The following SHROOM2 variants were observed in gnomAD, a reference collection of about 807,000 sequenced individuals.
SHROOM2 encodes protein Shroom2.
A neutral mutation model predicts 75.9 loss-of-function variants in SHROOM2; 33 were observed. The observed-to-expected ratio is 0.43, with a 90% CI of 0.33 to 0.58. SHROOM2 has a LOEUF of 0.58. Among genes scored for constraint, SHROOM2 ranks in the 20% least tolerant of loss-of-function variants. The pLI is 0.04. For synonymous variants in SHROOM2, 655 were observed against 663.6 expected, an observed-to-expected ratio of 0.99 and a Z score of 0.20; for missense variants, 1,434 against 1,461.2, an observed-to-expected ratio of 0.98 and a Z score of 0.30.
intron 1 of SHROOM2, among the ~76,000 whole-genome samples, chrX:9,834,485 C>G (rs1157256113): frequency 8.9e-6 from 1 of 111,845 alleles, no homozygotes; most frequent in Non-Finnish European, 1.9e-5. Flanking sequence ...GTGCTCACTG[C>G]TTTGCTCAGG....
chrX:9,896,249 C>T lies in SHROOM2; in HGVS notation c.2341C>T (p.His781Tyr), dbSNP rs750573801. The change falls in exon 4 of 10, where the codon CAC (histidine) becomes TAC (tyrosine). Residue 781 changes from histidine to tyrosine, a missense_variant. His to Tyr is a moderately conservative substitution (Grantham distance 83, BLOSUM62 2). This residue lies in a region of SHROOM2 where 1,340 missense variants were observed against 1,338.3 expected (regional missense o/e 1.00). Coordinates refer to ENST00000380913, the MANE Select transcript of SHROOM2 (RefSeq NM_001649.4). ...GGGCCTCACGAGGGGCTACAGTCCT[C>T]ACCAGCACCCCAGGACATCTGAGGA... The part of the protein sequence containing the change: ...EVGLTRGYSP[H>Y]QHPRTSEDTV... 3.3e-6 allele frequency: 4 copies of T among 1,212,198 alleles called. No individual in the cohort carries two copies. The East Asian group carries it at 1.2e-4, about 36-fold the overall frequency.
intron 8 of SHROOM2, among the ~76,000 whole-genome samples, chrX:9,940,844 C>A (rs1252485043): frequency 9.0e-6 from 1 of 111,365 alleles, no homozygotes; most frequent in African/African-American, 3.3e-5. Context: ...CCCAGGGCGA[C>A]CACAGTTGTC....
chrX:9,792,091 G>C (rs1156993217), intron 1 of SHROOM2, among the ~76,000 whole-genome samples: 1 of 14,784 alleles, frequency 6.8e-5, no homozygotes, highest in Admixed American at 1.3e-3. Context: ...GAATAGAATA[G>C]AATAGAATAG....
At chrX:9,811,387 C>T (rs778765187) in intron 1 of SHROOM2, among the ~76,000 whole-genome samples, 15 of 111,967 alleles carry the variant, frequency 1.3e-4, no homozygotes, top group African/African-American at 4.9e-4. Context: ...GAGTGGTGTC[C>T]ACAGAAAGGG....
At chrX:9,838,209 C>T (rs960383346) in intron 1 of SHROOM2, among the ~76,000 whole-genome samples, 13 of 108,757 alleles carry the variant, frequency 1.2e-4, no homozygotes, top group East Asian at 5.7e-4. Flanking sequence ...TACAGGTGCC[C>T]GCCACCACGC....
intron 1 of SHROOM2, among the ~76,000 whole-genome samples, chrX:9,832,460 T>C (rs1350618737): frequency 8.9e-6 from 1 of 112,003 alleles, no homozygotes; most frequent in Non-Finnish European, 1.9e-5. Flanking sequence ...GGCCATCTCT[T>C]GGTCGAGTCT....
At chrX:9,823,752 TTTTCTTTTTTC>T (rs1423328770) in intron 1 of SHROOM2, among the ~76,000 whole-genome samples, 2 of 69,232 alleles carry the variant, frequency 2.9e-5, no homozygotes, top group African/African-American at 8.8e-5. Flanking sequence ...CTTTTTTCTT[TTTTCTTTTTTC>T]TTTTTTTTTT....
At chrX:9,867,428 A>G (rs1486172482) in intron 1 of SHROOM2, among the ~76,000 whole-genome samples, 2 of 111,128 alleles carry the variant, frequency 1.8e-5, no homozygotes, top group Non-Finnish European at 3.8e-5. Context: ...AAGTGAGAGC[A>G]AAGATTTTTC....
intron 5 of SHROOM2, chrX:9,912,785 T>A (rs1313343221): frequency 2.7e-5 from 3 of 112,266 alleles, no homozygotes; most frequent in Non-Finnish European, 5.6e-5. Flanking sequence ...GGCGAATGTG[T>A]TCTCATTGTT....
chrX:9,794,987 C>T (rs977002053), intron 1 of SHROOM2, among the ~76,000 whole-genome samples: 4 of 112,543 alleles, frequency 3.6e-5, no homozygotes, highest in African/African-American at 9.7e-5. Flanking sequence ...TCCCACAGCA[C>T]TCTGAAGGTG....
At position 9,792,804 on chromosome X, in the gene SHROOM2, T is replaced by G. The variant is rs187871288; in HGVS notation, c.165+6094T>G. On this transcript the variant is annotated intron_variant, in intron 1 of 9. Coordinates refer to ENST00000380913, the MANE Select transcript of SHROOM2 (RefSeq NM_001649.4). The stretch of plus-strand genomic sequence containing the variant: ...GGCATGATCTTGGCTCACTGCAACC[T>G]CCGCCTCTGGGGTTCAAGCAATCCT... Among the ~76,000 whole-genome samples the G allele has an allele frequency of 3.9e-3, 424 of 109,462 alleles. 1 individual carries two copies. Among genetic ancestry groups the G allele is most frequent in the African/African-American group, 0.014 (414 of 30,115 alleles).
At chrX:9,930,910 T>G (rs772031978) in intron 5 of SHROOM2, among the ~76,000 whole-genome samples, 80 of 109,625 alleles carry the variant, frequency 7.3e-4, no homozygotes, top group African/African-American at 2.5e-3. Context: ...GCCCGGCTAA[T>G]TTTTGCATTT....
chrX:9,908,206 A>G (rs1240296097), intron 5 of SHROOM2, among the ~76,000 whole-genome samples: 1 of 112,535 alleles, frequency 8.9e-6, no homozygotes, highest in Non-Finnish European at 1.9e-5. Context: ...AGGATGCTGG[A>G]GCACCAGCTT....
chrX:9,928,024 C>T (rs774281906), intron 5 of SHROOM2, among the ~76,000 whole-genome samples: 1 of 112,154 alleles, frequency 8.9e-6, no homozygotes, highest in African/African-American at 3.2e-5. Flanking sequence ...ACAGTGGTTT[C>T]GGTCCTGTCA....
At chrX:9,884,126 C>G (rs982612590) in intron 2 of SHROOM2, among the ~76,000 whole-genome samples, 1 of 111,543 alleles carries the variant, frequency 9.0e-6, no homozygotes, top group Non-Finnish European at 1.9e-5. Flanking sequence ...CACCCCCCGC[C>G]CCCCATCGCA....
At chrX:9,919,424 T>C (rs1367353964) in intron 5 of SHROOM2, among the ~76,000 whole-genome samples, 1 of 94,700 alleles carries the variant, frequency 1.1e-5, no homozygotes, top group Non-Finnish European at 2.0e-5. Context: ...CTCTGCCTCC[T>C]GGGTTCAAGT....
At chrX:9,846,905 C>T (rs1175159904) in intron 1 of SHROOM2, among the ~76,000 whole-genome samples, 2 of 112,015 alleles carry the variant, frequency 1.8e-5, no homozygotes, top group Non-Finnish European at 1.9e-5. Flanking sequence ...AGCACGGGGA[C>T]GCATGCTGGC....
chrX:9,846,584 C>T (rs1415077590), intron 1 of SHROOM2, among the ~76,000 whole-genome samples: 1 of 112,333 alleles, frequency 8.9e-6, no homozygotes, highest in Non-Finnish European at 1.9e-5. Flanking sequence ...CATGAGCCAT[C>T]ACACCCGGCC....
intron 3 of SHROOM2, 23 bp from the exon 4 acceptor site, chrX:9,894,335 T>C (rs1455785246): frequency 8.4e-7 from 1 of 1,193,204 alleles, no homozygotes; most frequent in East Asian, 3.0e-5. Flanking sequence ...CACCATGCCT[T>C]GTCCTTCTTC....
Sources: allele counts gnomAD v4.1 joint callset (sites outside exome capture counted in the v4.1 genomes callset), GRCh38; gene constraint gnomAD v4.1.1; regional missense constraint gnomAD v4.1.1; transcripts MANE v1.5; gene names NCBI Gene and HGNC (gene_info 2026-07-23, HGNC 2026-07-21).